The following GPCPD1 variants were observed in gnomAD, a reference collection of about 807,000 sequenced individuals.
GPCPD1 encodes the protein glycerophosphocholine phosphodiesterase GPCPD1.
GPCPD1 carries 29 observed loss-of-function variants against 89.2 expected under a neutral mutation model. The observed-to-expected ratio is 0.33, with a 90% CI of 0.24 to 0.44. The LOEUF (loss-of-function observed/expected upper bound fraction) is 0.44, where lower values mean the gene tolerates loss of function less well. Among genes scored for constraint, GPCPD1 ranks in the 20% least tolerant of loss-of-function variants. The probability of loss-of-function intolerance (pLI) is 1.00; values close to 1 mark genes in which losing one functional copy is unlikely to be tolerated. For synonymous variants in GPCPD1, 258 were observed against 266.3 expected (o/e 0.97, Z 0.30); for missense variants, 594 against 808.9 (o/e 0.73, Z 3.22).
intron 19 of GPCPD1, among the ~76,000 whole-genome samples, chr20:5,552,222 C>T (rs1684868718): frequency 6.6e-6 from 1 of 152,150 alleles, no homozygotes; most frequent in Non-Finnish European, 1.5e-5. Flanking sequence ...CACCTTTCCC[C>T]TCCTCAGACC....
intron 17 of GPCPD1, among the ~76,000 whole-genome samples, chr20:5,559,391 G>A (rs1177673265): frequency 6.6e-6 from 1 of 152,092 alleles, no homozygotes; most frequent in Non-Finnish European, 1.5e-5. Flanking sequence ...TTTGACACCA[G>A]CCTGTGAAAG....
intron 14 of GPCPD1, among the ~76,000 whole-genome samples, chr20:5,565,292 T>G (rs138642098): frequency 6.6e-6 from 1 of 151,850 alleles, no homozygotes; most frequent in Non-Finnish European, 1.5e-5. Context: ...AGTGGAATGA[T>G]CATTGCTCAA....
intron 4 of GPCPD1, among the ~76,000 whole-genome samples, chr20:5,587,556 T>C (rs534481469): frequency 6.6e-6 from 1 of 152,144 alleles, no homozygotes; most frequent in East Asian, 1.9e-4. Context: ...TTAGTAGAGA[T>C]GGGGCTTCAC....
chr20:5,580,552 CG>C (rs750440391), intron 6 of GPCPD1, among the ~76,000 whole-genome samples: 9 of 151,698 alleles, frequency 5.9e-5, no homozygotes, highest in Non-Finnish European at 1.3e-4. Context: ...GGTGAAGCCC[CG>C]TCTCTACTAC....
intron 17 of GPCPD1, among the ~76,000 whole-genome samples, chr20:5,559,032 A>T (rs192931919): frequency 6.6e-6 from 1 of 152,000 alleles, no homozygotes. Context: ...GCGAAATCCC[A>T]TCTCTACTAA....
chr20:5,601,075 G>A (rs1358164396), intron 2 of GPCPD1, among the ~76,000 whole-genome samples: 2 of 151,714 alleles, frequency 1.3e-5, no homozygotes, highest in African/African-American at 4.8e-5. Context: ...AGCTACTCGG[G>A]AGGCTGAGGA....
chr20:5,565,316 T>A lies in GPCPD1; in HGVS notation c.1268-238A>T, dbSNP rs554485182. On this transcript the variant is annotated intron_variant, in intron 14 of 19. Transcript: ENST00000379019. The stretch of plus-strand genomic sequence containing the variant: ...ATCATTGCTCAATGTAGCCTCAAAC[T>A]CAAGCAGGCTCAAGCATTGATCCTC... Among the ~76,000 whole-genome samples, 147 of 151,614 alleles carry A rather than the reference T, an allele frequency of 9.7e-4. 2 individuals are homozygous for A. In the South Asian group the frequency reaches 0.026, roughly 27 times the overall value.
intron 16 of GPCPD1, among the ~76,000 whole-genome samples, chr20:5,561,113 G>C (rs553297637): frequency 6.6e-6 from 1 of 152,144 alleles, no homozygotes. Flanking sequence ...ACAGAAAACT[G>C]CTTAGAAAAT....
chr20:5,567,141 T>G (rs1293281379), intron 13 of GPCPD1, among the ~76,000 whole-genome samples: 4 of 152,192 alleles, frequency 2.6e-5, no homozygotes, highest in Admixed American at 6.6e-5. Flanking sequence ...ATAAAAGGCC[T>G]ATTGTAAAAT....
rs543980500 is a variant in GPCPD1, at chr20:5,545,630, A to G, written c.*2031T>C. ...GCTGAAGCAGGGTGTAAAAGGCAAC[A>G]GCTAGTGATACGAAGGCCCGGACTT... On this transcript the variant is annotated 3_prime_UTR_variant, in exon 20 of 20. Transcript: ENST00000379019. The G allele has an allele frequency of 3.3e-5, 5 of 152,388 alleles. No individual in the cohort carries two copies. Among genetic ancestry groups the G allele is most frequent in the Non-Finnish European group, 7.3e-5 (5 of 68,174 alleles). 9.4% of individuals were successfully genotyped at this position (152,388 alleles called of 1,614,324 possible).
chr20:5,586,044 G>T, intron 5 of GPCPD1, 150 bp downstream of exon 5: 1 of 444,790 alleles, frequency 2.2e-6, no homozygotes, highest in Non-Finnish European at 4.1e-6. Context: ...TGTTTTGAAA[G>T]ATCCATGAAA....
rs1986076801 is a variant in GPCPD1 at position 5,561,541 on chromosome 20, GT to G, written c.1330-12del. 6.4e-7 allele frequency: 1 copy of G among 1,556,054 alleles called. No homozygotes were observed. The highest frequency in any genetic ancestry group is 1.4e-5 in the African/African-American group (1 of 73,698). Reference sequence around the variant, plus strand: ...CAAAGACTCTAAAACCTACAGTTTTGTTTGTTGGTAAATTTTGTTTTTGATG... The same window carrying G: ...CAAAGACTCTAAAACCTACAGTTTTGTTGTTGGTAAATTTTGTTTTTGATG... On this transcript the variant is annotated splice_polypyrimidine_tract_variant and intron_variant, in intron 15 of 19. Coordinates refer to ENST00000379019, the MANE Select transcript of GPCPD1 (RefSeq NM_019593.5).
chr20:5,571,652 T>C (rs1986724637), intron 11 of GPCPD1, among the ~76,000 whole-genome samples: 1 of 152,304 alleles, frequency 6.6e-6, no homozygotes, highest in Middle Eastern at 3.4e-3. Context: ...CTCACGCCTA[T>C]AATGCCAGCA....
At position 5,578,434 on chromosome 20, in the gene GPCPD1, G is replaced by A. The variant is rs1313388923; in HGVS notation, c.651C>T (p.Tyr217=). ...YGLQPDRWTE[Y]SIQTMEPDNL... is the part of the protein sequence containing the mutation. ...TATCTGGTTCCATCGTCTGTATGCT[G>A]TACTCTGTCCAACGATCAGGCTGCA... Residue 217 remains tyrosine (Y), a synonymous_variant, in exon 8 of 20, where the codon TAC becomes TAT. Coordinates refer to ENST00000379019, the MANE Select transcript of GPCPD1 (RefSeq NM_019593.5). 2.5e-6 allele frequency: 4 copies of A among 1,613,900 alleles called. No individual in the cohort carries two copies. Among genetic ancestry groups the A allele is most frequent in the African/African-American group, 1.3e-5 (1 of 74,924 alleles).
At chr20:5,549,610 T>C in intron 19 of GPCPD1, 2 of 547,448 alleles carry the variant, frequency 3.7e-6, no homozygotes, top group Non-Finnish European at 3.2e-6. Flanking sequence ...TTAATTTCCA[T>C]CCAAATGTTG....
chr20:5,567,393 C>A (rs1986446386), intron 13 of GPCPD1, 90 bp downstream of exon 13: 4 of 1,389,632 alleles, frequency 2.9e-6, no homozygotes, highest in African/African-American at 2.9e-5. Flanking sequence ...AACAGTCATC[C>A]CCATGTGCAA....
At chr20:5,584,963 T>G (rs1385399373) in intron 5 of GPCPD1, 1 of 152,308 alleles carries the variant, frequency 6.6e-6, no homozygotes, top group Non-Finnish European at 1.5e-5. Context: ...CTTCCCAGTT[T>G]ACTTTAAACG....
intron 19 of GPCPD1, among the ~76,000 whole-genome samples, chr20:5,555,396 G>A (rs1486748908): frequency 6.6e-6 from 1 of 152,160 alleles, no homozygotes; most frequent in Non-Finnish European, 1.5e-5. Context: ...AAAATTAGCT[G>A]GATGTGGTTG....
chr20:5,610,580 G>T (rs914027729), intron 1 of GPCPD1, among the ~76,000 whole-genome samples: 1 of 152,036 alleles, frequency 6.6e-6, no homozygotes, highest in African/African-American at 2.4e-5. Context: ...GTATTTTTTA[G>T]AAGGGAACTA....
Sources: gnomAD v4.1 joint callset for allele counts (sites outside exome capture counted in the v4.1 genomes callset) on GRCh38, gnomAD v4.1.1 for gene constraint, MANE v1.5 for transcripts, NCBI Gene and HGNC (gene_info 2026-07-23, HGNC 2026-07-21) for gene names.